TRPC4AP: variants seen among roughly 807,000 people sequenced by gnomAD.
TRPC4AP encodes short transient receptor potential channel 4-associated protein.
A neutral mutation model predicts 99.0 loss-of-function variants in TRPC4AP; 45 were observed. The ratio of observed to expected loss-of-function variants is 0.45; its 90% CI spans 0.36 to 0.58. The LOEUF is 0.58. TRPC4AP is among the 20% of genes least tolerant of loss of function. The pLI is 0.00. For missense variants in TRPC4AP, 879 were observed against 985.3 expected (o/e 0.89, Z 1.44); for synonymous variants, 408 against 385.8 (o/e 1.06, Z -0.67).
intron 8 of TRPC4AP, among the ~76,000 whole-genome samples, chr20:35,034,463 G>A (rs1050979170): frequency 6.6e-6 from 1 of 152,124 alleles, no homozygotes; most frequent in Non-Finnish European, 1.5e-5. Context: ...GGTGGAGGAA[G>A]GAAGCCTCTG....
chr20:35,055,353 G>A (rs1248281715), intron 4 of TRPC4AP, among the ~76,000 whole-genome samples: 3 of 151,978 alleles, frequency 2.0e-5, no homozygotes, highest in Non-Finnish European at 4.4e-5. Flanking sequence ...ATATATCTAG[G>A]ATTTGTTTTT....
Position 35,091,050 on chromosome 20 carries a change from AT to A in TRPC4AP, c.168+1563del, listed in dbSNP as rs796861590. On this transcript the variant is annotated intron_variant, in intron 1 of 18. Transcript: ENST00000252015. The stretch of plus-strand genomic sequence containing the variant: ...GAAGGAAAGAGCAAGTATTTCTAGG[AT>A]TTTTTTTTTTTTTTGAGACAGGGTC... 3.3e-3 allele frequency among the ~76,000 whole-genome samples: 473 copies of A among 142,954 alleles called. 1 individual carries two copies. Among genetic ancestry groups the A allele is most frequent in the Middle Eastern group, 7.0e-3 (2 of 284 alleles). 93.8% of individuals were successfully genotyped at this position (142,954 alleles called of 152,430 possible).
At chr20:35,033,184 C>T (rs965290059) in intron 8 of TRPC4AP, among the ~76,000 whole-genome samples, 16 of 152,174 alleles carry the variant, frequency 1.1e-4, no homozygotes, top group Non-Finnish European at 1.8e-4. Flanking sequence ...ACAAGAGACT[C>T]CATCTCAAAA....
chr20:35,008,617 G>GGCTCTGCA, intron 13 of TRPC4AP, 47 bp downstream of exon 13: 2 of 1,556,250 alleles, frequency 1.3e-6, no homozygotes, highest in Non-Finnish European at 1.8e-6. Context: ...AGAAACACCT[G>GGCTCTGCA]GCTCTGCAGC....
chr20:35,015,521 G>C (rs1334982440), intron 10 of TRPC4AP, among the ~76,000 whole-genome samples: 1 of 148,142 alleles, frequency 6.8e-6, no homozygotes, highest in African/African-American at 2.5e-5. Context: ...GGAGTCCAGT[G>C]GCGTGATCTC....
At chr20:35,058,687 C>CTTTTTTT (rs71196781) in intron 3 of TRPC4AP, among the ~76,000 whole-genome samples, 1 of 110,364 alleles carries the variant, frequency 9.1e-6, no homozygotes, top group African/African-American at 3.5e-5. Context: ...AAAGAAAATT[C>CTTTTTTT]TTTTTTTTTT....
intron 10 of TRPC4AP, among the ~76,000 whole-genome samples, chr20:35,015,394 G>A (rs1460163243): frequency 6.6e-6 from 1 of 151,828 alleles, no homozygotes; most frequent in African/African-American, 2.4e-5. Flanking sequence ...GCCCCTGCCT[G>A]GAGTGAAATG....
chr20:35,053,028 A>C (rs2147384124), intron 5 of TRPC4AP, among the ~76,000 whole-genome samples: 1 of 152,282 alleles, frequency 6.6e-6, no homozygotes. Context: ...TATGTTCCTC[A>C]AATTTTTTAA....
chr20:35,008,394 G>A (rs555077289), intron 13 of TRPC4AP, among the ~76,000 whole-genome samples: 50 of 152,154 alleles, frequency 3.3e-4, no homozygotes, highest in Non-Finnish European at 6.3e-4. Context: ...ATTCATGGCA[G>A]GGCCCGTATC....
Position 35,013,072 on chromosome 20 carries a change from A to G in TRPC4AP, c.1351-6T>C, listed in dbSNP as rs1197398282. 1 of 1,614,092 alleles carries G rather than the reference A, an allele frequency of 6.2e-7. No individual in the cohort carries two copies. The highest frequency in any genetic ancestry group is 8.5e-7 in the Non-Finnish European group (1 of 1,180,022). The stretch of plus-strand genomic sequence containing the variant: ...TGTATCTTCAAGGTGATGTCCTGAA[A>G]CACATGCACAGCCTCAATGTTAGGA... On this transcript the variant is annotated splice_polypyrimidine_tract_variant and splice_region_variant and intron_variant, in intron 10 of 18. Transcript: ENST00000252015.
intron 5 of TRPC4AP, among the ~76,000 whole-genome samples, chr20:35,051,553 AAAG>A (rs1356495243): frequency 4.6e-5 from 7 of 152,000 alleles, no homozygotes; most frequent in Non-Finnish European, 2.9e-5. Context: ...ATAGGACACT[AAAG>A]AAAGCAATCT....
At chr20:35,080,534 TAAAAAAAAAA>T (rs71196786) in intron 1 of TRPC4AP, among the ~76,000 whole-genome samples, 1 of 82,068 alleles carries the variant, frequency 1.2e-5, no homozygotes, top group Admixed American at 1.4e-4. Flanking sequence ...AGACTCCATC[TAAAAAAAAAA>T]AAAAAAAAAA....
chr20:35,013,855 A>AC (rs1172935021), intron 10 of TRPC4AP, among the ~76,000 whole-genome samples: 2 of 152,232 alleles, frequency 1.3e-5, no homozygotes, highest in Non-Finnish European at 2.9e-5. Context: ...GGCCTGACCC[A>AC]CCAGCCCAGG....
rs758519272 is a variant in TRPC4AP, at chr20:35,078,133, C to T, written c.210G>A (p.Lys70=). The T allele has an allele frequency of 2.5e-6, 4 of 1,614,038 alleles. No homozygotes were observed. The South Asian group carries it at 4.4e-5, about 18-fold the overall frequency. Residue 70 remains lysine, a synonymous_variant, in exon 2 of 19, where the codon AAG becomes AAA. Transcript: ENST00000252015. ...GGAGCAGCTGAGGAATTCCACTCCACTTGGATTGTTTGTCCCTCTCCGTCA... is the reference window on the plus strand; with the variant it reads ...GGAGCAGCTGAGGAATTCCACTCCATTTGGATTGTTTGTCCCTCTCCGTCA... ...TFLTERDKQS[K]WSGIPQLLLK...
At chr20:35,082,920 C>T (rs535459132) in intron 1 of TRPC4AP, among the ~76,000 whole-genome samples, 36 of 152,252 alleles carry the variant, frequency 2.4e-4, no homozygotes, top group African/African-American at 8.7e-4. Flanking sequence ...CCACTGCAAA[C>T]ATCATACTTA....
chr20:35,070,971 A>G (rs2084296768), intron 2 of TRPC4AP, among the ~76,000 whole-genome samples: 1 of 152,252 alleles, frequency 6.6e-6, no homozygotes, highest in Non-Finnish European at 1.5e-5. Context: ...AGATATACAA[A>G]TATTAATTTC....
intron 1 of TRPC4AP, among the ~76,000 whole-genome samples, chr20:35,089,523 T>C (rs1409079033): frequency 6.6e-6 from 1 of 151,834 alleles, no homozygotes; most frequent in Non-Finnish European, 1.5e-5. Context: ...TGAGCCAATG[T>C]ACCTGGCCTA....
intron 9 of TRPC4AP, among the ~76,000 whole-genome samples, chr20:35,020,973 T>C (rs1051295833): frequency 6.6e-6 from 1 of 152,174 alleles, no homozygotes; most frequent in African/African-American, 2.4e-5. Flanking sequence ...CAAGACTGCC[T>C]AGAAACGCTC....
intron 8 of TRPC4AP, among the ~76,000 whole-genome samples, chr20:35,025,234 T>A (rs1466971165): frequency 6.6e-6 from 1 of 152,210 alleles, no homozygotes; most frequent in Non-Finnish European, 1.5e-5. Context: ...ACTACTTAAG[T>A]GCAGTGGCAG....
Sources: gnomAD v4.1 joint callset for allele counts (sites outside exome capture counted in the v4.1 genomes callset) on GRCh38, gnomAD v4.1.1 for gene constraint, MANE v1.5 for transcripts, NCBI Gene and HGNC (gene_info 2026-07-23, HGNC 2026-07-21) for gene names.